The following ARHGAP15 variants were observed in gnomAD, a reference collection of about 807,000 sequenced individuals.
ARHGAP15 encodes rho GTPase-activating protein 15.
Under a neutral mutation model 63.7 loss-of-function variants are expected in ARHGAP15, and 51 were observed. The ratio of observed to expected loss-of-function variants is 0.80; its 90% confidence interval spans 0.64 to 1.01. ARHGAP15 has a LOEUF of 1.01. ARHGAP15 is among the 50% of genes least tolerant of loss of function. The probability of loss-of-function intolerance (pLI) is 0.00; values close to 1 mark genes in which losing one functional copy is unlikely to be tolerated. For missense variants in ARHGAP15, 560 were observed against 564.6 expected (o/e 0.99, Z 0.08); for synonymous variants, 191 against 193.8 (o/e 0.99, Z 0.12).
At chr2:143,319,232 T>C (rs529776723) in intron 6 of ARHGAP15, among the ~76,000 whole-genome samples, 31 of 151,990 alleles carry the variant, frequency 2.0e-4, no homozygotes, top group African/African-American at 6.8e-4. Flanking sequence ...TCCCGCCTTT[T>C]TTTTTTTTTT....
chr2:143,447,356 G>A lies in ARHGAP15; in HGVS notation c.703+10314G>A, dbSNP rs190126697. Among the ~76,000 whole-genome samples, 21 of 152,284 alleles carry A rather than the reference G, an allele frequency of 1.4e-4. No homozygotes were observed. The East Asian group carries it at 3.7e-3, about 27-fold the overall frequency. On this transcript the variant is annotated intron_variant, in intron 8 of 13. Transcript: ENST00000295095. ...ATCTGGTGATAAAAAGATGGGTTTT[G>A]TTGACTAAAGTAAACATATTATACA...
Position 143,157,564 on chromosome 2 carries a change from A to T in ARHGAP15, c.165+1909A>T, listed in dbSNP as rs1180198755. On this transcript the variant is annotated intron_variant, in intron 2 of 13. Coordinates refer to ENST00000295095, the MANE Select transcript of ARHGAP15 (RefSeq NM_018460.4). ...TATTCCTCGATAAGGAACAAAAATA[A>T]AAGTTACTTTTGGTTATGTGTGCTC... 2.6e-5 allele frequency among the ~76,000 whole-genome samples: 4 copies of T among 151,664 alleles called. No homozygotes were observed. The East Asian group carries it at 7.8e-4, about 30-fold the overall frequency.
chr2:143,215,244 A>G (rs1692707146), intron 3 of ARHGAP15, among the ~76,000 whole-genome samples: 2 of 152,002 alleles, frequency 1.3e-5, no homozygotes, highest in Non-Finnish European at 2.9e-5. Flanking sequence ...AGACCCTCTA[A>G]TAAAAAGACG....
At chr2:143,748,148 T>C (rs1249891631) in intron 13 of ARHGAP15, among the ~76,000 whole-genome samples, 2 of 152,248 alleles carry the variant, frequency 1.3e-5, no homozygotes, top group African/African-American at 2.4e-5. Context: ...TCTTTCTTTT[T>C]CTCTGCAACT....
chr2:143,685,618 A>G (rs1386664203), intron 12 of ARHGAP15, among the ~76,000 whole-genome samples: 2 of 152,198 alleles, frequency 1.3e-5, no homozygotes, highest in African/African-American at 4.8e-5. Flanking sequence ...AGGGATACAG[A>G]GCGCTTGACA....
At chr2:143,254,792 T>G (rs1241830987) in intron 6 of ARHGAP15, among the ~76,000 whole-genome samples, 2 of 152,076 alleles carry the variant, frequency 1.3e-5, no homozygotes, top group Non-Finnish European at 2.9e-5. Flanking sequence ...GACTGAACAC[T>G]TTTTAGCTGA....
intron 11 of ARHGAP15, among the ~76,000 whole-genome samples, chr2:143,564,667 A>T (rs577478297): frequency 1.3e-5 from 2 of 152,312 alleles, no homozygotes; most frequent in African/African-American, 4.8e-5. Flanking sequence ...GCCTGTTTCG[A>T]TAACTAGTTT....
intron 13 of ARHGAP15, among the ~76,000 whole-genome samples, chr2:143,724,733 A>G (rs1685206653): frequency 1.3e-5 from 2 of 152,236 alleles, no homozygotes; most frequent in Non-Finnish European, 2.9e-5. Flanking sequence ...AGCCCCTGAA[A>G]AAAGGATGGA....
At chr2:143,518,028 C>A (rs1205946174) in intron 9 of ARHGAP15, among the ~76,000 whole-genome samples, 3 of 152,110 alleles carry the variant, frequency 2.0e-5, no homozygotes, top group Admixed American at 6.5e-5. Context: ...CTTGGACCCA[C>A]TAAATATTTG....
intron 8 of ARHGAP15, among the ~76,000 whole-genome samples, chr2:143,442,095 G>A (rs932244262): frequency 3.3e-5 from 5 of 152,004 alleles, no homozygotes; most frequent in African/African-American, 9.7e-5. Flanking sequence ...TAAAAAATTT[G>A]CCTGCAAAGT....
At chr2:143,438,460 G>C (rs1477442576) in intron 8 of ARHGAP15, among the ~76,000 whole-genome samples, 1 of 152,014 alleles carries the variant, frequency 6.6e-6, no homozygotes, top group Non-Finnish European at 1.5e-5. Context: ...TACAAATCTA[G>C]AAATTGCATG....
intron 6 of ARHGAP15, among the ~76,000 whole-genome samples, chr2:143,343,800 A>T (rs1316887326): frequency 6.6e-6 from 1 of 152,222 alleles, no homozygotes; most frequent in South Asian, 2.1e-4. Context: ...TATTTCTGCA[A>T]CTATTCCTAC....
At chr2:143,180,784 C>T (rs1159706842) in intron 2 of ARHGAP15, among the ~76,000 whole-genome samples, 1 of 152,124 alleles carries the variant, frequency 6.6e-6, no homozygotes, top group Non-Finnish European at 1.5e-5. Context: ...CTGCATTGTC[C>T]TGCCTCAGCC....
intron 13 of ARHGAP15, among the ~76,000 whole-genome samples, chr2:143,739,811 A>G (rs1335914745): frequency 1.3e-5 from 2 of 152,182 alleles, no homozygotes; most frequent in Admixed American, 1.3e-4. Flanking sequence ...CCTAGCTGAT[A>G]ATTTAAAATG....
chr2:143,187,758 G>A (rs547527053), intron 2 of ARHGAP15, among the ~76,000 whole-genome samples: 1 of 152,320 alleles, frequency 6.6e-6, no homozygotes, highest in East Asian at 1.9e-4. Flanking sequence ...GATCTGATAA[G>A]GAAGTGGGAC....
At chr2:143,182,025 C>G (rs1372984418) in intron 2 of ARHGAP15, among the ~76,000 whole-genome samples, 4 of 151,486 alleles carry the variant, frequency 2.6e-5, no homozygotes, top group Non-Finnish European at 4.4e-5. Flanking sequence ...CACTGAAACC[C>G]CTGCCTCCCG....
intron 6 of ARHGAP15, among the ~76,000 whole-genome samples, chr2:143,271,620 T>A (rs931000581): frequency 6.6e-6 from 1 of 152,152 alleles, no homozygotes; most frequent in Admixed American, 6.5e-5. Context: ...GGACCACAGG[T>A]GCCTGCCACC....
chr2:143,365,195 G>A (rs1318946176), intron 6 of ARHGAP15, among the ~76,000 whole-genome samples: 1 of 152,130 alleles, frequency 6.6e-6, no homozygotes, highest in African/African-American at 2.4e-5. Context: ...AAAACCTTAT[G>A]ACCCTATCTC....
intron 12 of ARHGAP15, among the ~76,000 whole-genome samples, chr2:143,702,462 G>A (rs1246568323): frequency 1.3e-5 from 2 of 151,814 alleles, no homozygotes; most frequent in Admixed American, 6.6e-5. Context: ...AAATGTGTAA[G>A]GGAAAAAGGA....
Sources: gnomAD v4.1 joint callset for allele counts (sites outside exome capture counted in the v4.1 genomes callset) on GRCh38, gnomAD v4.1.1 for gene constraint, MANE v1.5 for transcripts, NCBI Gene and HGNC (gene_info 2026-07-23, HGNC 2026-07-21) for gene names.